The following LRIG1 variants were observed in gnomAD, a reference collection of about 807,000 sequenced individuals.
LRIG1 encodes the protein leucine-rich repeats and immunoglobulin-like domains protein 1.
Under a neutral mutation model 99.2 loss-of-function variants are expected in LRIG1, and 48 were observed. The observed-to-expected ratio is 0.48, with a 90% CI of 0.38 to 0.62. LRIG1 has a LOEUF of 0.62. Among genes scored for constraint, LRIG1 ranks in the 20% least tolerant of loss-of-function variants. The pLI is 0.00. For missense variants in LRIG1, 1,646 were observed against 1,434.4 expected, an observed-to-expected ratio of 1.15 and a Z score of -2.38; for synonymous variants, 772 against 596.1, an observed-to-expected ratio of 1.29 and a Z score of -4.30.
chr3:66,444,277 G>A (rs953427193), intron 3 of LRIG1, among the ~76,000 whole-genome samples: 14 of 152,176 alleles, frequency 9.2e-5, no homozygotes, highest in Non-Finnish European at 1.9e-4. Flanking sequence ...CCAACAAACA[G>A]CAAATTAAGC....
At chr3:66,421,939 CA>C (rs1702828247) in intron 3 of LRIG1, among the ~76,000 whole-genome samples, 1 of 152,248 alleles carries the variant, frequency 6.6e-6, no homozygotes, top group Admixed American at 6.5e-5. Flanking sequence ...CCTGCAGGCT[CA>C]GCACCACATG....
chr3:66,403,454 G>T (rs371929474), intron 9 of LRIG1, among the ~76,000 whole-genome samples: 1 of 152,162 alleles, frequency 6.6e-6, no homozygotes, highest in Admixed American at 6.5e-5. Flanking sequence ...GCTGGGTGGG[G>T]TGAGGCTTCG....
At chr3:66,406,897 C>T (rs960557111) in intron 8 of LRIG1, among the ~76,000 whole-genome samples, 2 of 152,096 alleles carry the variant, frequency 1.3e-5, no homozygotes, top group Admixed American at 6.6e-5. Context: ...AATGCTCAGA[C>T]GAGAGATGCA....
chr3:66,408,271 A>G (rs900734313), intron 7 of LRIG1, among the ~76,000 whole-genome samples: 1 of 152,220 alleles, frequency 6.6e-6, no homozygotes, highest in African/African-American at 2.4e-5. Flanking sequence ...TAGGAGCAGC[A>G]TTCTTTCCCT....
chr3:66,396,598 C>T (rs929758967), intron 11 of LRIG1, among the ~76,000 whole-genome samples: 5 of 152,278 alleles, frequency 3.3e-5, no homozygotes, highest in African/African-American at 4.8e-5. Flanking sequence ...GGCAGGAGAC[C>T]GAGGCTGAGC....
intron 12 of LRIG1, among the ~76,000 whole-genome samples, chr3:66,388,275 A>G (rs1701478877): frequency 6.6e-6 from 1 of 152,168 alleles, no homozygotes; most frequent in East Asian, 1.9e-4. Context: ...TGGCAGAAGG[A>G]GGGGGCAGGG....
intron 3 of LRIG1, among the ~76,000 whole-genome samples, chr3:66,428,614 A>G (rs1344813515): frequency 1.3e-5 from 2 of 152,278 alleles, no homozygotes; most frequent in East Asian, 3.8e-4. Context: ...ACATTTTTCA[A>G]GAACAAGTGA....
chr3:66,500,454 C>T lies in LRIG1; in HGVS notation c.-47G>A. The T allele has an allele frequency of 8.3e-7, 1 of 1,201,280 alleles. No homozygotes were observed. 74.4% of individuals were successfully genotyped at this position (1,201,280 alleles called of 1,614,324 possible). A position where few individuals can be genotyped will look rare whatever the true frequency, so the allele number is the denominator to read the frequency against. The stretch of plus-strand genomic sequence containing the variant: ...ACTCCGGGCGCGGGGACTGTGAGGA[C>T]CCGAACGGCCGCAGACGCGGGCGGG... On this transcript the variant is annotated 5_prime_UTR_variant, in exon 1 of 19. Transcript: ENST00000273261.
At position 66,467,058 on chromosome 3, in the gene LRIG1, C is replaced by G. The variant is rs78649062; in HGVS notation, c.219-4549G>C. On this transcript the variant is annotated intron_variant, in intron 1 of 18. Coordinates refer to ENST00000273261, the MANE Select transcript of LRIG1 (RefSeq NM_015541.3). ...AGATGACCGTTCAGCCCACCGTTCGCTGAACACACAAGAGGCACCTCTGCA... is the reference window on the plus strand; with the variant it reads ...AGATGACCGTTCAGCCCACCGTTCGGTGAACACACAAGAGGCACCTCTGCA... Among the ~76,000 whole-genome samples the G allele has an allele frequency of 3.9e-3, 589 of 152,308 alleles. 10 individuals carry two copies. The East Asian group carries it at 0.064, about 17-fold the overall frequency.
At chr3:66,438,303 C>G (rs1703428071) in intron 3 of LRIG1, among the ~76,000 whole-genome samples, 1 of 152,216 alleles carries the variant, frequency 6.6e-6, no homozygotes, top group African/African-American at 2.4e-5. Flanking sequence ...TGCCAGGAAC[C>G]TGGGGCCCCA....
chr3:66,449,517 T>C (rs1357673767), intron 3 of LRIG1, among the ~76,000 whole-genome samples: 1 of 152,222 alleles, frequency 6.6e-6, no homozygotes, highest in African/African-American at 2.4e-5. Flanking sequence ...CCCACTTCTC[T>C]TGGCACTTGG....
At position 66,435,781 on chromosome 3, in the gene LRIG1, CTTT is replaced by C. The variant is rs35275985; in HGVS notation, c.365+15775_365+15777del. Among the ~76,000 whole-genome samples the C allele has an allele frequency of 2.5e-4, 38 of 150,326 alleles. No individual in the cohort carries two copies. The East Asian group carries it at 4.3e-3, about 17-fold the overall frequency. On this transcript the variant is annotated intron_variant, in intron 3 of 18. Coordinates refer to ENST00000273261, the MANE Select transcript of LRIG1 (RefSeq NM_015541.3). ...GTACGTGAGGGATCTCCCCATATTACTTTTTTTTTTTTTACAACTGCATGTGAA... is the reference window on the plus strand; with the variant it reads ...GTACGTGAGGGATCTCCCCATATTACTTTTTTTTTTACAACTGCATGTGAA...
intron 13 of LRIG1, among the ~76,000 whole-genome samples, chr3:66,384,476 G>C (rs1211473512): frequency 1.4e-4 from 22 of 152,148 alleles, no homozygotes; most frequent in Non-Finnish European, 1.0e-4. Context: ...CATCCCATCA[G>C]CCTTGCATTG....
intron 7 of LRIG1, among the ~76,000 whole-genome samples, chr3:66,408,962 G>GTGTGTGTGTGTGTGTGTGT (rs1553715390): frequency 5.0e-4 from 52 of 103,070 alleles, no homozygotes; most frequent in East Asian, 4.3e-3. Context: ...GTGTGTGTGT[G>GTGTGTGTGTGTGTGTGTGT]GTGGGGGGAG....
rs1700904179 is a variant in LRIG1 at position 66,379,489 on chromosome 3, T to TTTATCATAAAATAAGA, written c.*758_*773dup. On this transcript the variant is annotated 3_prime_UTR_variant, in exon 19 of 19. Coordinates refer to ENST00000273261, the MANE Select transcript of LRIG1 (RefSeq NM_015541.3). The stretch of plus-strand genomic sequence containing the variant: ...TGATACTGAGAAGGCCACATTTGCT[T>TTTATCATAAAATAAGA]TTATCATAAAATAAGAGGAGGAGGA... The TTTATCATAAAATAAGA allele has an allele frequency of 1.3e-5, 2 of 152,164 alleles. No individual in the cohort carries two copies. The highest frequency in any genetic ancestry group is 4.1e-4 in the South Asian group (2 of 4,820). 9.4% of individuals were successfully genotyped at this position (152,164 alleles called of 1,614,324 possible).
chr3:66,425,484 G>C (rs557362010), intron 3 of LRIG1, among the ~76,000 whole-genome samples: 1 of 152,212 alleles, frequency 6.6e-6, no homozygotes, highest in Non-Finnish European at 1.5e-5. Flanking sequence ...GTTTCTTTGA[G>C]ATCTTGAAAG....
At chr3:66,400,839 T>C (rs1028384541) in intron 9 of LRIG1, among the ~76,000 whole-genome samples, 2 of 152,096 alleles carry the variant, frequency 1.3e-5, no homozygotes, top group African/African-American at 4.8e-5. Context: ...ACAGGCCTCC[T>C]GGGAACCGCT....
Position 66,380,179 on chromosome 3 carries a change from CGCTTGAACCCAA to C in LRIG1, c.*72_*83del. On this transcript the variant is annotated 3_prime_UTR_variant, in exon 19 of 19. Coordinates refer to ENST00000273261, the MANE Select transcript of LRIG1 (RefSeq NM_015541.3). ...GTTACAACTATGTACAGATGAGTGA[CGCTTGAACCCAA>C]GCTTCCTCGCAGCCTCTCCTACCTC... 1 of 1,115,772 alleles carries C rather than the reference CGCTTGAACCCAA, an allele frequency of 9.0e-7. No homozygotes were observed. The highest frequency in any genetic ancestry group is 1.3e-6 in the Non-Finnish European group (1 of 778,194). 69.1% of individuals were successfully genotyped at this position (1,115,772 alleles called of 1,614,324 possible).
At chr3:66,477,698 A>T (rs1356949410) in intron 1 of LRIG1, among the ~76,000 whole-genome samples, 1 of 151,840 alleles carries the variant, frequency 6.6e-6, no homozygotes, top group Non-Finnish European at 1.5e-5. Flanking sequence ...CCTTTATCTC[A>T]CTTAAGTTCA....
Sources: gnomAD v4.1 joint callset for allele counts (sites outside exome capture counted in the v4.1 genomes callset) on GRCh38, gnomAD v4.1.1 for gene constraint, MANE v1.5 for transcripts, NCBI Gene and HGNC (gene_info 2026-07-23, HGNC 2026-07-21) for gene names.